INPP4B: variants seen among roughly 807,000 people sequenced by gnomAD.
The protein encoded by INPP4B is inositol polyphosphate-4-phosphatase type II B.
A neutral mutation model predicts 122.5 loss-of-function variants in INPP4B; 55 were observed. That is an observed-to-expected ratio of 0.45 (90% CI 0.36 to 0.56). The LOEUF is 0.56. Ranked by LOEUF, INPP4B falls within the 20% of genes least tolerant of loss-of-function variation. The pLI, the probability that INPP4B is intolerant of heterozygous loss-of-function variation, is 0.00. For missense variants in INPP4B, 1,000 were observed against 1,097.7 expected (o/e 0.91, Z 1.26); for synonymous variants, 403 against 388.7 (o/e 1.04, Z -0.43).
chr4:142,725,092 G>C (rs971853156), intron 2 of INPP4B, among the ~76,000 whole-genome samples: 8 of 152,010 alleles, frequency 5.3e-5, no homozygotes, highest in African/African-American at 1.9e-4. Flanking sequence ...AATCTCTTTT[G>C]AGATAGTAGC....
intron 2 of INPP4B, among the ~76,000 whole-genome samples, chr4:142,565,296 A>AAAAG (rs534123190): frequency 2.6e-5 from 4 of 152,184 alleles, no homozygotes; most frequent in African/African-American, 4.8e-5. Flanking sequence ...CAAAGAGTTA[A>AAAAG]AAAGAAAGAA....
chr4:142,810,094 C>CAAG (rs1277436695), intron 1 of INPP4B, among the ~76,000 whole-genome samples: 1 of 148,170 alleles, frequency 6.7e-6, no homozygotes, highest in African/African-American at 2.5e-5. Context: ...TGCTTGAACC[C>CAAG]AAGAGATGGA....
At chr4:142,675,363 T>C (rs775798804) in intron 2 of INPP4B, among the ~76,000 whole-genome samples, 18 of 152,046 alleles carry the variant, frequency 1.2e-4, no homozygotes, top group Non-Finnish European at 2.2e-4. Flanking sequence ...ATTAATATCC[T>C]ACCAATCAAA....
intron 12 of INPP4B, among the ~76,000 whole-genome samples, chr4:142,225,896 C>T (rs1039006386): frequency 1.3e-5 from 2 of 151,986 alleles, no homozygotes; most frequent in Non-Finnish European, 2.9e-5. Context: ...TTTGATAAAG[C>T]CAATATTTTG....
intron 25 of INPP4B, among the ~76,000 whole-genome samples, chr4:142,072,886 T>C (rs549935326): frequency 1.3e-5 from 2 of 152,212 alleles, no homozygotes; most frequent in African/African-American, 4.8e-5. Flanking sequence ...TTATATATGT[T>C]GTTTCATTTT....
intron 18 of INPP4B, 24 bp from the exon 19 acceptor site, chr4:142,124,784 A>C: frequency 6.9e-7 from 1 of 1,455,446 alleles, no homozygotes; most frequent in Non-Finnish European, 9.2e-7. Flanking sequence ...GTGTAAGAAC[A>C]GTGCAATAGA....
At chr4:142,067,524 A>G (rs1764224464) in intron 25 of INPP4B, among the ~76,000 whole-genome samples, 1 of 152,228 alleles carries the variant, frequency 6.6e-6, no homozygotes, top group South Asian at 2.1e-4. Flanking sequence ...GGTAACAACA[A>G]ACTTCTCTGA....
chr4:142,151,978 C>T (rs1408989950), intron 17 of INPP4B, among the ~76,000 whole-genome samples: 2 of 151,638 alleles, frequency 1.3e-5, no homozygotes, highest in Non-Finnish European at 2.9e-5. Flanking sequence ...CGTTATCTTC[C>T]ATCAATCTAA....
chr4:142,627,496 A>T (rs1746738830), intron 2 of INPP4B, among the ~76,000 whole-genome samples: 1 of 138,930 alleles, frequency 7.2e-6, no homozygotes, highest in African/African-American at 2.7e-5. Flanking sequence ...CTTTTTCTGC[A>T]TCTATTGAGA....
chr4:142,359,471 T>C (rs950610332), intron 7 of INPP4B, among the ~76,000 whole-genome samples: 7 of 152,016 alleles, frequency 4.6e-5, no homozygotes, highest in Admixed American at 1.3e-4. Context: ...TTTACACTTC[T>C]CAGTTCTTCC....
At chr4:142,813,864 C>T (rs759889741) in intron 1 of INPP4B, among the ~76,000 whole-genome samples, 1 of 152,102 alleles carries the variant, frequency 6.6e-6, no homozygotes, top group African/African-American at 2.4e-5. Flanking sequence ...AATTTGAGTA[C>T]TCAATAAAAC....
chr4:142,082,313 A>G, intron 24 of INPP4B, 128 bp from the exon 25 acceptor site: 1 of 673,224 alleles, frequency 1.5e-6, no homozygotes, highest in South Asian at 4.7e-5. Context: ...TATGATAGTC[A>G]ATTTGTTCAA....
At chr4:142,651,768 T>C (rs1483046522) in intron 2 of INPP4B, among the ~76,000 whole-genome samples, 2 of 152,188 alleles carry the variant, frequency 1.3e-5, no homozygotes, top group African/African-American at 4.8e-5. Flanking sequence ...ACCTGGTAGA[T>C]TCACAGCTGA....
intron 1 of INPP4B, among the ~76,000 whole-genome samples, chr4:142,745,414 GC>G (rs1480446744): frequency 6.6e-6 from 1 of 151,724 alleles, no homozygotes; most frequent in East Asian, 1.9e-4. Context: ...GAAAAATCTT[GC>G]CTACTTGTTT....
intron 15 of INPP4B, among the ~76,000 whole-genome samples, chr4:142,175,764 C>T (rs1827856258): frequency 6.6e-6 from 1 of 152,090 alleles, no homozygotes; most frequent in African/African-American, 2.4e-5. Flanking sequence ...TGAACTCAGG[C>T]TGGATGTAAA....
At chr4:142,293,397 A>T (rs1169180462) in intron 9 of INPP4B, among the ~76,000 whole-genome samples, 1 of 152,030 alleles carries the variant, frequency 6.6e-6, no homozygotes, top group Non-Finnish European at 1.5e-5. Context: ...ATGCAAAGTG[A>T]TCATCCTCCA....
At chr4:142,533,253 A>G (rs1029121335) in intron 2 of INPP4B, among the ~76,000 whole-genome samples, 5 of 152,136 alleles carry the variant, frequency 3.3e-5, no homozygotes, top group Non-Finnish European at 5.9e-5. Flanking sequence ...ACTGCTCTGT[A>G]GCAATCGCAA....
chr4:142,624,659 A>T (rs7441741), intron 2 of INPP4B, among the ~76,000 whole-genome samples: 1 of 151,788 alleles, frequency 6.6e-6, no homozygotes, highest in Non-Finnish European at 1.5e-5. Flanking sequence ...TACCAAAGCC[A>T]GGCAAAGACA....
intron 1 of INPP4B, among the ~76,000 whole-genome samples, chr4:142,789,404 T>C (rs1251897339): frequency 2.0e-5 from 3 of 152,152 alleles, no homozygotes; most frequent in African/African-American, 2.4e-5. Flanking sequence ...ACAAAATTAA[T>C]GTACACAAAT....
Sources: allele counts gnomAD v4.1 joint callset (sites outside exome capture counted in the v4.1 genomes callset), GRCh38; gene constraint gnomAD v4.1.1; transcripts MANE v1.5; gene names NCBI Gene and HGNC (gene_info 2026-07-23, HGNC 2026-07-21).